Variants in PCDH9 observed in about 807,000 individuals in gnomAD.
The protein encoded by PCDH9 is protocadherin-9.
Under a neutral mutation model 70.6 loss-of-function variants are expected in PCDH9, and 24 were observed. The ratio of observed to expected loss-of-function variants is 0.34; its 90% CI spans 0.25 to 0.48. PCDH9 has a LOEUF of 0.48. Among genes scored for constraint, PCDH9 ranks in the 20% least tolerant of loss-of-function variants. The pLI, the probability that PCDH9 is intolerant of heterozygous loss-of-function variation, is 0.99. For synonymous variants in PCDH9, 562 were observed against 558.5 expected (o/e 1.01, Z -0.09); for missense variants, 1,281 against 1,503.6 (o/e 0.85, Z 2.45).
chr13:67,111,750 C>G (rs954344697), intron 2 of PCDH9, among the ~76,000 whole-genome samples: 1 of 151,792 alleles, frequency 6.6e-6, no homozygotes, highest in African/African-American at 2.4e-5. Context: ...ACAGTGGAAC[C>G]GAAGACAAAA....
At chr13:67,028,485 G>A (rs534968387) in intron 2 of PCDH9, among the ~76,000 whole-genome samples, 1 of 151,416 alleles carries the variant, frequency 6.6e-6, no homozygotes, top group East Asian at 2.0e-4. Flanking sequence ...GAGTTAATGG[G>A]TGCAGCACAC....
intron 3 of PCDH9, among the ~76,000 whole-genome samples, chr13:66,692,800 C>T (rs1056950760): frequency 6.6e-6 from 1 of 151,954 alleles, no homozygotes; most frequent in Non-Finnish European, 1.5e-5. Flanking sequence ...TATATACAAT[C>T]TCTAATCAAG....
At chr13:66,737,158 T>A (rs1593977977) in intron 3 of PCDH9, among the ~76,000 whole-genome samples, 1 of 152,092 alleles carries the variant, frequency 6.6e-6, no homozygotes, top group Non-Finnish European at 1.5e-5. Context: ...AAATAATAAT[T>A]GTTTTAGAAA....
intron 3 of PCDH9, among the ~76,000 whole-genome samples, chr13:66,835,203 T>G (rs1469326721): frequency 6.6e-6 from 1 of 152,224 alleles, no homozygotes; most frequent in East Asian, 1.9e-4. Flanking sequence ...AGTCTGTTTT[T>G]GTAGGAAATT....
chr13:67,181,710 T>G (rs1420192261), intron 2 of PCDH9, among the ~76,000 whole-genome samples: 1 of 152,248 alleles, frequency 6.6e-6, no homozygotes, highest in East Asian at 1.9e-4. Flanking sequence ...GTAATAGAGC[T>G]GTTTATTTAA....
chr13:66,475,024 T>C (rs1012448252), intron 4 of PCDH9, among the ~76,000 whole-genome samples: 1 of 152,106 alleles, frequency 6.6e-6, no homozygotes, highest in Non-Finnish European at 1.5e-5. Flanking sequence ...AGGTTAAAAA[T>C]ATATAACCAA....
intron 2 of PCDH9, among the ~76,000 whole-genome samples, chr13:67,094,056 C>A (rs1021824037): frequency 1.1e-4 from 16 of 152,186 alleles, no homozygotes; most frequent in African/African-American, 3.9e-4. Flanking sequence ...AATCTTTATA[C>A]CCCTCTAATC....
At chr13:66,955,967 T>G (rs2083260513) in intron 2 of PCDH9, among the ~76,000 whole-genome samples, 1 of 152,168 alleles carries the variant, frequency 6.6e-6, no homozygotes, top group Non-Finnish European at 1.5e-5. Context: ...CAAGATGTGG[T>G]GGCCAGTGCC....
rs887672660 is a variant in PCDH9 at position 66,717,407 on chromosome 13, A to C, written c.3139-85996T>G. Among the ~76,000 whole-genome samples the C allele has an allele frequency of 6.6e-4, 88 of 133,648 alleles. 1 individual carries two copies. Among genetic ancestry groups the C allele is most frequent in the Non-Finnish European group, 2.8e-4 (18 of 64,434 alleles). 87.7% of individuals were successfully genotyped at this position (133,648 alleles called of 152,430 possible). A position where few individuals can be genotyped will look rare whatever the true frequency, so the allele number is the denominator to read the frequency against. On this transcript the variant is annotated intron_variant, in intron 3 of 4. Transcript: ENST00000377865. ...GCAGAGGTTCTAGTAAGCCAAGATC[A>C]CACCACTGCACTCCAGCCTGGGTGA...
intron 2 of PCDH9, among the ~76,000 whole-genome samples, chr13:66,942,675 T>C (rs1029113782): frequency 6.6e-6 from 1 of 152,050 alleles, no homozygotes; most frequent in Non-Finnish European, 1.5e-5. Flanking sequence ...TCTCAAGAGA[T>C]CCTGTTCAAG....
intron 3 of PCDH9, among the ~76,000 whole-genome samples, chr13:66,844,489 G>T (rs1166777944): frequency 1.3e-5 from 2 of 151,788 alleles, no homozygotes; most frequent in Non-Finnish European, 2.9e-5. Context: ...GGAGTGTGAG[G>T]CAGGAGAATC....
chr13:66,879,342 C>T (rs2081880513), intron 3 of PCDH9, among the ~76,000 whole-genome samples: 1 of 152,034 alleles, frequency 6.6e-6, no homozygotes, highest in Non-Finnish European at 1.5e-5. Context: ...TACATAATTG[C>T]TTTGGCAACA....
At chr13:66,473,090 T>C (rs1958650566) in intron 4 of PCDH9, among the ~76,000 whole-genome samples, 1 of 152,022 alleles carries the variant, frequency 6.6e-6, no homozygotes, top group Non-Finnish European at 1.5e-5. Flanking sequence ...GAGTTTCACA[T>C]ATAATTTAAG....
At chr13:66,362,274 G>A (rs762964448) in intron 4 of PCDH9, among the ~76,000 whole-genome samples, 27 of 152,140 alleles carry the variant, frequency 1.8e-4, no homozygotes, top group Non-Finnish European at 3.2e-4. Flanking sequence ...TTATTCTCCA[G>A]TGAGATATAG....
intron 4 of PCDH9, among the ~76,000 whole-genome samples, chr13:66,486,707 C>T (rs948091593): frequency 6.6e-6 from 1 of 150,738 alleles, no homozygotes; most frequent in African/African-American, 2.4e-5. Flanking sequence ...TATGCATGAT[C>T]TCATAAATTA....
At chr13:66,822,136 G>GCACGCACA (rs1555272306) in intron 3 of PCDH9, among the ~76,000 whole-genome samples, 1 of 149,174 alleles carries the variant, frequency 6.7e-6, no homozygotes, top group Non-Finnish European at 1.5e-5. Flanking sequence ...TCACACACGC[G>GCACGCACA]CACACACACA....
At chr13:67,154,762 T>C (rs12872494) in intron 2 of PCDH9, among the ~76,000 whole-genome samples, 8 of 149,604 alleles carry the variant, frequency 5.3e-5, no homozygotes, top group African/African-American at 2.0e-4. Context: ...TAGAGTACAG[T>C]GGCAAGATCT....
At chr13:66,835,131 T>C (rs933095007) in intron 3 of PCDH9, among the ~76,000 whole-genome samples, 1 of 152,236 alleles carries the variant, frequency 6.6e-6, no homozygotes. Context: ...ACATAGTCAC[T>C]GAAGACAATC....
At chr13:66,779,588 G>A (rs1159916056) in intron 3 of PCDH9, among the ~76,000 whole-genome samples, 2 of 151,852 alleles carry the variant, frequency 1.3e-5, no homozygotes, top group Admixed American at 6.6e-5. Flanking sequence ...TTTGGGAGGC[G>A]GAGGCAGGCG....
Sources: gnomAD v4.1 joint callset for allele counts (sites outside exome capture counted in the v4.1 genomes callset) on GRCh38, gnomAD v4.1.1 for gene constraint, MANE v1.5 for transcripts, NCBI Gene and HGNC (gene_info 2026-07-23, HGNC 2026-07-21) for gene names.